PCLO: variants seen among roughly 807,000 people sequenced by gnomAD.
PCLO encodes the protein piccolo presynaptic cytomatrix protein.
PCLO carries 82 observed loss-of-function variants against 427.5 expected under a neutral mutation model. The observed-to-expected ratio is 0.19, with a 90% CI of 0.16 to 0.23. The LOEUF is 0.23. Ranked by LOEUF, PCLO falls within the 10% of genes least tolerant of loss-of-function variation. PCLO has a pLI of 1.00. For synonymous variants in PCLO, 2,357 were observed against 2,155.4 expected (o/e 1.09, Z -2.59); for missense variants, 6,239 against 6,115.9 (o/e 1.02, Z -0.67).
rs1681474082 is a variant in PCLO at position 82,914,502 on chromosome 7, A to T, written c.13300+184T>A. 4.5e-6 allele frequency: 3 copies of T among 670,328 alleles called. No homozygotes were observed. The South Asian group carries it at 5.0e-5, about 11-fold the overall frequency. 41.5% of individuals were successfully genotyped at this position (670,328 alleles called of 1,614,324 possible). A position where few individuals can be genotyped will look rare whatever the true frequency, so the allele number is the denominator to read the frequency against. Reference sequence around the variant, plus strand: ...AGGAATAAAGTAAAACTAAATAAAGAAAAGCATGCTACAGAATCTATACAC... The same window carrying T: ...AGGAATAAAGTAAAACTAAATAAAGTAAAGCATGCTACAGAATCTATACAC... On this transcript the variant is annotated intron_variant, in intron 7 of 24. Coordinates refer to ENST00000333891, the MANE Select transcript of PCLO (RefSeq NM_033026.6).
At position 82,949,949 on chromosome 7, in the gene PCLO, C is replaced by G; in HGVS notation, c.10639G>C (p.Val3547Leu). The G allele has an allele frequency of 1.9e-6, 3 of 1,613,584 alleles. No homozygotes were observed. Among genetic ancestry groups the G allele is most frequent in the Non-Finnish European group, 2.5e-6 (3 of 1,179,826 alleles). ...GCTGAAATGTGTTTAATTATTTCTA[C>G]CTTGGCATCCACTCGTGCCCGTATG... is the stretch of plus-strand genomic sequence containing the variant. ...PSIRARVDAK[V>L]EIIKHISAPE... Residue 3547 changes from valine (V) to leucine (L), a missense_variant, in exon 6 of 25, where the codon GTA becomes CTA. Around this residue, in one of 5 missense-constraint regions of PCLO, gnomAD observed 4,677 missense variants for 4,468.4 expected, o/e 1.05. Transcript: ENST00000333891.
chr7:82,956,487 G>C lies in PCLO; in HGVS notation c.4466C>G (p.Ser1489Cys), dbSNP rs114445550. The change falls in exon 5 of 25, where the codon TCC becomes TGC. Residue 1489 changes from serine (S) to cysteine (C), a missense_variant. Physicochemically the swap from Ser to Cys is moderately radical, Grantham distance 112. Coordinates refer to ENST00000333891, the MANE Select transcript of PCLO (RefSeq NM_033026.6). Reference sequence around the variant, plus strand: ...AGACTTCTCTTTATGGTCCTTGCTGGAAGGAATATCTTGTTGGCTATCTTT... The same window carrying C: ...AGACTTCTCTTTATGGTCCTTGCTGCAAGGAATATCTTGTTGGCTATCTTT... ...FKKDSQQDIPSSKDHKEKSEF... is the reference protein window; with the variant it reads ...FKKDSQQDIPCSKDHKEKSEF... The C allele has an allele frequency of 7.6e-4, 1,223 of 1,613,776 alleles. 5 individuals are homozygous for C. The African/African-American group carries it at 0.015, about 20-fold the overall frequency.
chr7:82,886,348 A>G (rs898564992), intron 9 of PCLO, among the ~76,000 whole-genome samples: 1 of 149,808 alleles, frequency 6.7e-6, no homozygotes, highest in Non-Finnish European at 1.5e-5. Context: ...TAGCATTATA[A>G]TCCAAATATG....
rs932081101 is a variant in PCLO at position 83,143,731 on chromosome 7, C to T, written c.1894-8075G>A. Among the ~76,000 whole-genome samples the T allele has an allele frequency of 6.6e-5, 10 of 151,608 alleles. 1 individual carries two copies. The highest frequency in any genetic ancestry group is 3.9e-4 in the Admixed American group (6 of 15,212). ...CACGGACATGAAAGTGTATCCATAC[C>T]GTATCACAATTACACAAAGAGAGGA... On this transcript the variant is annotated intron_variant, in intron 2 of 24. Coordinates refer to ENST00000333891, the MANE Select transcript of PCLO (RefSeq NM_033026.6).
intron 3 of PCLO, among the ~76,000 whole-genome samples, chr7:83,085,192 C>T (rs903292073): frequency 1.3e-5 from 2 of 151,926 alleles, no homozygotes; most frequent in Non-Finnish European, 2.9e-5. Context: ...TGCAACAGGT[C>T]CAGAAATGTG....
chr7:82,757,265 G>A lies in PCLO; in HGVS notation c.*1310C>T, dbSNP rs969977437. 6.6e-6 allele frequency: 1 copy of A among 152,128 alleles called. No individual in the cohort carries two copies. The highest frequency in any genetic ancestry group is 2.1e-4 in the South Asian group (1 of 4,818). The allele number at this position is 152,128 out of a possible 1,614,324, so 9.4% of individuals were successfully genotyped here. A position where few individuals can be genotyped will look rare whatever the true frequency, so the allele number is the denominator to read the frequency against. On this transcript the variant is annotated 3_prime_UTR_variant, in exon 25 of 25. Coordinates refer to ENST00000333891, the MANE Select transcript of PCLO (RefSeq NM_033026.6). ...TTCCTTAATTAATAATGCTGATAGA[G>A]AAGAGGGTGCTTCATTTTAAGACTT...
chr7:82,866,581 A>T (rs1436715155), intron 10 of PCLO, among the ~76,000 whole-genome samples: 1 of 151,818 alleles, frequency 6.6e-6, no homozygotes, highest in African/African-American at 2.4e-5. Flanking sequence ...AGTAGAGTGT[A>T]AAAGGAAACA....
At chr7:83,108,167 GA>G (rs1263224179) in intron 3 of PCLO, among the ~76,000 whole-genome samples, 6 of 151,818 alleles carry the variant, frequency 4.0e-5, no homozygotes, top group East Asian at 1.9e-4. Flanking sequence ...ACATGTGAGA[GA>G]AAAAAATCTC....
chr7:83,118,774 A>T (rs1284481052), intron 3 of PCLO, among the ~76,000 whole-genome samples: 12 of 152,150 alleles, frequency 7.9e-5, no homozygotes, highest in Middle Eastern at 3.2e-3. Flanking sequence ...AGGCAGTCTA[A>T]GCCACAGAGA....
intron 22 of PCLO, among the ~76,000 whole-genome samples, chr7:82,794,451 T>TTTTTTTTTC (rs1791175410): frequency 4.2e-5 from 2 of 47,062 alleles, no homozygotes; most frequent in South Asian, 3.1e-3. Context: ...AGTTCATAAA[T>TTTTTTTTTC]TTTTTTTCTT....
chr7:82,872,410 A>T (rs2115996346), intron 10 of PCLO, among the ~76,000 whole-genome samples: 1 of 152,216 alleles, frequency 6.6e-6, no homozygotes, highest in African/African-American at 2.4e-5. Context: ...ATGGGAAACC[A>T]TTGCACAACA....
At chr7:82,920,338 T>C (rs1794566412) in intron 6 of PCLO, among the ~76,000 whole-genome samples, 1 of 151,798 alleles carries the variant, frequency 6.6e-6, no homozygotes. Context: ...AAAAAACTTG[T>C]TGTTTACTAT....
intron 3 of PCLO, among the ~76,000 whole-genome samples, chr7:82,995,573 A>T (rs1796476752): frequency 6.6e-6 from 1 of 151,974 alleles, no homozygotes; most frequent in Admixed American, 6.6e-5. Context: ...GAAATATTGC[A>T]ACTACTTGAT....
intron 6 of PCLO, among the ~76,000 whole-genome samples, chr7:82,922,842 TAG>T (rs1794629699): frequency 6.6e-6 from 1 of 152,002 alleles, no homozygotes; most frequent in Non-Finnish European, 1.5e-5. Flanking sequence ...ATCATACTGC[TAG>T]AGAGACATAG....
chr7:82,888,813 G>T (rs977245655), intron 9 of PCLO, among the ~76,000 whole-genome samples: 2 of 151,970 alleles, frequency 1.3e-5, no homozygotes, highest in African/African-American at 4.8e-5. Flanking sequence ...CTATTATCCT[G>T]CATGTTAAGT....
At chr7:83,046,786 A>C (rs1224479391) in intron 3 of PCLO, among the ~76,000 whole-genome samples, 1 of 151,974 alleles carries the variant, frequency 6.6e-6, no homozygotes, top group African/African-American at 2.4e-5. Flanking sequence ...CTGAAAAATC[A>C]ATTTTTTTAA....
intron 3 of PCLO, among the ~76,000 whole-genome samples, chr7:83,025,347 G>T (rs1173088784): frequency 6.6e-6 from 1 of 150,794 alleles, no homozygotes; most frequent in African/African-American, 2.4e-5. Flanking sequence ...TGGAAGAAAG[G>T]GTATCAGCAA....
intron 7 of PCLO, among the ~76,000 whole-genome samples, chr7:82,912,735 G>T (rs957247220): frequency 2.0e-5 from 3 of 151,944 alleles, no homozygotes; most frequent in Non-Finnish European, 4.4e-5. Flanking sequence ...ATATAAAAGG[G>T]AAATAGAATA....
intron 3 of PCLO, among the ~76,000 whole-genome samples, chr7:83,040,551 C>T (rs1042170864): frequency 2.0e-5 from 3 of 152,016 alleles, no homozygotes; most frequent in African/African-American, 7.2e-5. Flanking sequence ...TTTGTTCTGC[C>T]CTCATAAGGG....
Sources: allele counts gnomAD v4.1 joint callset (sites outside exome capture counted in the v4.1 genomes callset), GRCh38; gene constraint gnomAD v4.1.1; regional missense constraint gnomAD v4.1.1; transcripts MANE v1.5; gene names NCBI Gene and HGNC (gene_info 2026-07-23, HGNC 2026-07-21).